The following CDH8 variants were observed in gnomAD, a reference collection of about 807,000 sequenced individuals.
CDH8 encodes the protein cadherin 8.
In CDH8, 17 loss-of-function variants were observed where a neutral mutation model predicts 68.1. The ratio of observed to expected loss-of-function variants is 0.25; its 90% CI spans 0.17 to 0.37. CDH8 has a LOEUF of 0.37. Ranked by LOEUF, CDH8 falls within the 10% of genes least tolerant of loss-of-function variation. The pLI, the probability that CDH8 is intolerant of heterozygous loss-of-function variation, is 1.00. For missense variants in CDH8, 763 were observed against 999.3 expected (o/e 0.76, Z 3.19); for synonymous variants, 372 against 365.1 (o/e 1.02, Z -0.21).
chr16:61,673,937 C>T (rs1963845450), intron 10 of CDH8, among the ~76,000 whole-genome samples: 1 of 152,058 alleles, frequency 6.6e-6, no homozygotes, highest in African/African-American at 2.4e-5. Context: ...GACTACCAAG[C>T]TACACACATA....
intron 3 of CDH8, among the ~76,000 whole-genome samples, chr16:61,875,413 T>C (rs1963441532): frequency 6.6e-6 from 1 of 152,166 alleles, no homozygotes; most frequent in Admixed American, 6.5e-5. Flanking sequence ...ACCCAGAAGC[T>C]ACACTTTAAC....
rs963126298 is a variant in CDH8, at chr16:62,016,300, A to G, written c.252+4852T>C. Among the ~76,000 whole-genome samples the G allele has an allele frequency of 2.6e-5, 4 of 152,194 alleles. No homozygotes were observed. In the East Asian group the frequency reaches 7.7e-4, roughly 29 times the overall value. ...CTCTAGGAGCTCATTAGTTCCATGC[A>G]GAAGGCATAGATAGATCTGTGTTTG... On this transcript the variant is annotated intron_variant, in intron 2 of 11. Transcript: ENST00000577390.
At chr16:61,654,825 T>A (rs1167155290) in intron 11 of CDH8, among the ~76,000 whole-genome samples, 1 of 152,198 alleles carries the variant, frequency 6.6e-6, no homozygotes, top group Non-Finnish European at 1.5e-5. Flanking sequence ...TATGGTGTTT[T>A]GTTCCTCAAG....
At chr16:61,993,194 A>C (rs1965754892) in intron 2 of CDH8, among the ~76,000 whole-genome samples, 1 of 152,144 alleles carries the variant, frequency 6.6e-6, no homozygotes, top group Non-Finnish European at 1.5e-5. Context: ...CACTCAGGTT[A>C]ATTCCCTCCT....
At chr16:61,691,810 T>C (rs561703979) in intron 10 of CDH8, 1 of 152,190 alleles carries the variant, frequency 6.6e-6, no homozygotes, top group South Asian at 2.1e-4. Flanking sequence ...GTAATAATAA[T>C]GCACGACTTT....
intron 2 of CDH8, among the ~76,000 whole-genome samples, chr16:61,960,210 C>CAT (rs1331321993): frequency 0.026 from 1,046 of 40,118 alleles, 302 homozygotes; most frequent in African/African-American, 0.031. Flanking sequence ...TACATATATA[C>CAT]ATGTGTGTGT....
intron 2 of CDH8, among the ~76,000 whole-genome samples, chr16:62,019,350 C>G (rs915053346): frequency 2.0e-5 from 3 of 152,140 alleles, no homozygotes; most frequent in Non-Finnish European, 4.4e-5. Context: ...GATTCAAACT[C>G]AGGCAGATAA....
chr16:61,743,414 A>C (rs1959930290), intron 8 of CDH8: 1 of 156,580 alleles, frequency 6.4e-6, no homozygotes, highest in Admixed American at 6.5e-5. Context: ...CAGCCAGATC[A>C]GCCAAATCAA....
intron 2 of CDH8, among the ~76,000 whole-genome samples, chr16:62,016,497 AT>A (rs1160037719): frequency 1.3e-5 from 2 of 152,188 alleles, no homozygotes; most frequent in Non-Finnish European, 2.9e-5. Context: ...ACAGAATAGT[AT>A]TTTTGTGTTG....
chr16:61,824,015 A>G (rs1962273993), intron 5 of CDH8, among the ~76,000 whole-genome samples: 1 of 151,958 alleles, frequency 6.6e-6, no homozygotes, highest in South Asian at 2.1e-4. Flanking sequence ...AAAGAAATGG[A>G]CATCACCCAA....
chr16:61,687,421 A>G (rs1359862923), intron 10 of CDH8, among the ~76,000 whole-genome samples: 2 of 151,962 alleles, frequency 1.3e-5, no homozygotes, highest in African/African-American at 2.4e-5. Flanking sequence ...TAGTCTAACT[A>G]CTTTTCTAAA....
chr16:61,813,679 T>C (rs1306185942), intron 7 of CDH8, among the ~76,000 whole-genome samples: 1 of 152,138 alleles, frequency 6.6e-6, no homozygotes, highest in Admixed American at 6.6e-5. Flanking sequence ...CTTTGCTGTT[T>C]TTTTTTCCCT....
rs546837482 is a variant in CDH8 at position 61,758,453 on chromosome 16, A to T, written c.1414+30893T>A. Among the ~76,000 whole-genome samples the T allele has an allele frequency of 1.1e-3, 170 of 152,076 alleles. 2 individuals carry two copies. The highest frequency in any genetic ancestry group is 6.4e-3 in the South Asian group (31 of 4,824). On this transcript the variant is annotated intron_variant, in intron 8 of 11. Transcript: ENST00000577390. ...GTTGTTTTGTTTTGTTTTGTTTGAG[A>T]TTGAGTTTTGCTCTTGTTGTCCAGG...
intron 2 of CDH8, among the ~76,000 whole-genome samples, chr16:61,941,470 T>G (rs1964723814): frequency 6.6e-6 from 1 of 152,196 alleles, no homozygotes; most frequent in Non-Finnish European, 1.5e-5. Flanking sequence ...GAAACAGAGT[T>G]TCACTCTTCA....
chr16:61,882,610 C>T (rs1006302217), intron 3 of CDH8, among the ~76,000 whole-genome samples: 6 of 152,096 alleles, frequency 3.9e-5, no homozygotes, highest in African/African-American at 1.4e-4. Context: ...CCTTGGCAAA[C>T]AAATGTAAGA....
intron 2 of CDH8, among the ~76,000 whole-genome samples, chr16:61,983,488 G>T (rs1001961480): frequency 6.6e-6 from 1 of 152,094 alleles, no homozygotes; most frequent in African/African-American, 2.4e-5. Context: ...TATAGTTACA[G>T]CCTAAATTTT....
chr16:62,000,874 A>G (rs533125474), intron 2 of CDH8, among the ~76,000 whole-genome samples: 11 of 152,356 alleles, frequency 7.2e-5, no homozygotes, highest in African/African-American at 1.7e-4. Context: ...AGCAGTAACT[A>G]TAGTTAACAA....
At chr16:62,001,353 G>A (rs1363084947) in intron 2 of CDH8, among the ~76,000 whole-genome samples, 2 of 152,152 alleles carry the variant, frequency 1.3e-5, no homozygotes, top group African/African-American at 4.8e-5. Context: ...GATATTAGGA[G>A]TCCTAAGAAT....
rs972904462 is a variant in CDH8, at chr16:61,650,962, T to C, written c.*2646A>G. 8.5e-5 allele frequency: 13 copies of C among 152,054 alleles called. No individual in the cohort carries two copies. The highest frequency in any genetic ancestry group is 3.1e-4 in the African/African-American group (13 of 41,402). The allele number at this position is 152,054 out of a possible 1,614,324, so 9.4% of individuals were successfully genotyped here. On this transcript the variant is annotated 3_prime_UTR_variant, in exon 12 of 12. Transcript: ENST00000577390. ...GGCAAAGAGAATACTTAGGCGATAT[T>C]TGGGCAACTAGTAGAGCAGACATTA...
Sources: gnomAD v4.1 joint callset for allele counts (sites outside exome capture counted in the v4.1 genomes callset) on GRCh38, gnomAD v4.1.1 for gene constraint, MANE v1.5 for transcripts, NCBI Gene and HGNC (gene_info 2026-07-23, HGNC 2026-07-21) for gene names.